Variants in SLC26A2 observed in about 807,000 individuals in gnomAD.
SLC26A2 encodes the protein sulfate transporter.
A neutral mutation model predicts 41.1 loss-of-function variants in SLC26A2; 36 were observed. The observed-to-expected ratio is 0.88, with a 90% CI of 0.67 to 1.16. The LOEUF is 1.16. Among genes scored for constraint, SLC26A2 ranks in the 50% most tolerant of loss-of-function variants. The pLI is 0.00. For synonymous variants in SLC26A2, 291 were observed against 311.6 expected, an observed-to-expected ratio of 0.93 and a Z score of 0.70; for missense variants, 796 against 869.6, an observed-to-expected ratio of 0.92 and a Z score of 1.07.
At position 149,969,751 on chromosome 5, in the gene SLC26A2, G is replaced by A. The variant is rs539572310; in HGVS notation, c.-25-7877G>A. ...CCTTATCTCCTACAACTTCACCCTTGGAACCTAGTGTGACCTTTTCCTGGG... is the reference window on the plus strand; with the variant it reads ...CCTTATCTCCTACAACTTCACCCTTAGAACCTAGTGTGACCTTTTCCTGGG... On this transcript the variant is annotated intron_variant, in intron 1 of 2. Coordinates refer to ENST00000286298, the MANE Select transcript of SLC26A2 (RefSeq NM_000112.4). 8.5e-5 allele frequency among the ~76,000 whole-genome samples: 13 copies of A among 152,260 alleles called. No homozygotes were observed. In the South Asian group the frequency reaches 2.3e-3, roughly 27 times the overall value.
Position 149,977,878 on chromosome 5 carries a change from A to T in SLC26A2, c.226A>T (p.Lys76Ter). The T allele has an allele frequency of 6.2e-7, 1 of 1,614,118 alleles. No homozygotes were observed. Among genetic ancestry groups the T allele is most frequent in the Non-Finnish European group, 8.5e-7 (1 of 1,180,006 alleles). ...GGAGTTTGTTATTAAAAAGCTGCAG[A>T]AGAATTGCCAGTGCAGTCCAGCCAA... ...FKEFVIKKLQ[K>*]NCQCSPAKAK... Residue 76 changes from lysine (K) to a stop codon, truncating the protein, a stop_gained, in exon 2 of 3, where the codon AAG becomes TAG. Coordinates refer to ENST00000286298, the MANE Select transcript of SLC26A2 (RefSeq NM_000112.4). LOFTEE classifies it high-confidence loss of function.
intron 1 of SLC26A2, among the ~76,000 whole-genome samples, chr5:149,963,395 C>T (rs1257647785): frequency 6.6e-6 from 1 of 152,060 alleles, no homozygotes; most frequent in African/African-American, 2.4e-5. Context: ...TCTCCTGCCT[C>T]AGCCTCCTGA....
chr5:149,977,568 A>G (rs1755013901), intron 1 of SLC26A2, 60 bp from the exon 2 acceptor site: 3 of 862,882 alleles, frequency 3.5e-6, no homozygotes, highest in Non-Finnish European at 5.9e-6. Context: ...TAGAATTGTT[A>G]GTATATGTGA....
Position 149,984,604 on chromosome 5 carries a change from T to C in SLC26A2, c.*2791T>C, listed in dbSNP as rs1197514690. The C allele has an allele frequency of 6.6e-6, 1 of 152,292 alleles. No individual in the cohort carries two copies. The highest frequency in any genetic ancestry group is 1.5e-5 in the Non-Finnish European group (1 of 68,092). 9.4% of individuals were successfully genotyped at this position (152,292 alleles called of 1,614,324 possible). A position where few individuals can be genotyped will look rare whatever the true frequency, so the allele number is the denominator to read the frequency against. On this transcript the variant is annotated 3_prime_UTR_variant, in exon 3 of 3. Transcript: ENST00000286298. ...TGAACCCGGGAGGCGGAGGTTGCAG[T>C]AAGCAGAGATTGTGCCACTGGACTC...
intron 1 of SLC26A2, among the ~76,000 whole-genome samples, chr5:149,972,661 C>T (rs948264500): frequency 6.6e-6 from 1 of 152,138 alleles, no homozygotes; most frequent in Non-Finnish European, 1.5e-5. Flanking sequence ...TCACTTTTAA[C>T]CTATGTATGT....
Position 149,984,317 on chromosome 5 carries a change from G to C in SLC26A2, c.*2504G>C, listed in dbSNP as rs1174532320. ...ATATTGTTAAAATGTTTTGGTTGCT[G>C]ATATTCAGAGGAATGAAACCTGGAA... is the stretch of plus-strand genomic sequence containing the variant. On this transcript the variant is annotated 3_prime_UTR_variant, in exon 3 of 3. Transcript: ENST00000286298. The C allele has an allele frequency of 1.3e-5, 2 of 152,178 alleles. No individual in the cohort carries two copies. Among genetic ancestry groups the C allele is most frequent in the Non-Finnish European group, 2.9e-5 (2 of 68,030 alleles). 9.4% of individuals were successfully genotyped at this position (152,178 alleles called of 1,614,324 possible). A position where few individuals can be genotyped will look rare whatever the true frequency, so the allele number is the denominator to read the frequency against.
chr5:149,974,960 G>A (rs1286523361), intron 1 of SLC26A2, among the ~76,000 whole-genome samples: 5 of 151,954 alleles, frequency 3.3e-5, no homozygotes, highest in Non-Finnish European at 7.4e-5. Context: ...CCTGGCCTCA[G>A]GTTACTTGGA....
At chr5:149,974,343 G>A in intron 1 of SLC26A2, among the ~76,000 whole-genome samples, 1 of 151,182 alleles carries the variant, frequency 6.6e-6, no homozygotes, top group East Asian at 1.9e-4. Flanking sequence ...TGTAGGTGAG[G>A]GTTTTTGTTT....
intron 1 of SLC26A2, among the ~76,000 whole-genome samples, chr5:149,967,283 A>C (rs978962443): frequency 5.3e-5 from 8 of 152,234 alleles, no homozygotes; most frequent in African/African-American, 1.9e-4. Context: ...TAAGCTGTAC[A>C]TATTTCAAAG....
At chr5:149,962,478 A>G (rs925335146) in intron 1 of SLC26A2, among the ~76,000 whole-genome samples, 1 of 151,918 alleles carries the variant, frequency 6.6e-6, no homozygotes, top group Admixed American at 6.6e-5. Context: ...AGCTGGAACC[A>G]CAGGTGCACG....
chr5:149,977,031 A>G (rs1755003870), intron 1 of SLC26A2, among the ~76,000 whole-genome samples: 1 of 152,242 alleles, frequency 6.6e-6, no homozygotes, highest in African/African-American at 2.4e-5. Context: ...GTACTGTTCA[A>G]AGACGCAAAT....
Position 149,984,000 on chromosome 5 carries a change from A to G in SLC26A2, c.*2187A>G, listed in dbSNP as rs1384033711. 2 of 152,272 alleles carry G rather than the reference A, an allele frequency of 1.3e-5. No individual in the cohort carries two copies. Among genetic ancestry groups the G allele is most frequent in the East Asian group, 1.9e-4 (1 of 5,206 alleles). The allele number at this position is 152,272 out of a possible 1,614,324, so 9.4% of individuals were successfully genotyped here. On this transcript the variant is annotated 3_prime_UTR_variant, in exon 3 of 3. Transcript: ENST00000286298. ...ATGCTTAAGATGTTATAATTAGCCAACACCAACACAGCAAAAAATATAATT... is the reference window on the plus strand; with the variant it reads ...ATGCTTAAGATGTTATAATTAGCCAGCACCAACACAGCAAAAAATATAATT...
At chr5:149,972,440 T>G (rs1318450599) in intron 1 of SLC26A2, among the ~76,000 whole-genome samples, 1 of 152,190 alleles carries the variant, frequency 6.6e-6, no homozygotes, top group Non-Finnish European at 1.5e-5. Context: ...TGGATCACTT[T>G]GTGTAGCAGC....
At position 149,978,347 on chromosome 5, in the gene SLC26A2, A is replaced by T. The variant is rs75097996; in HGVS notation, c.695A>T (p.Tyr232Phe). Residue 232 changes from tyrosine (Y) to phenylalanine (F), a missense_variant, in exon 2 of 3, where the codon TAT becomes TTT. Tyr to Phe is a conservative substitution (Grantham distance 22). Transcript: ENST00000286298. ...GSTVTFIAGV[Y>F]QVAMGFFQVG... ...ACTGTAACCTTTATAGCTGGAGTTT[A>T]TCAGGTAAGCAGCAATGAAACAATT... 6.0e-5 allele frequency: 96 copies of T among 1,610,220 alleles called. No homozygotes were observed. In the African/African-American group the frequency reaches 1.1e-3, roughly 18 times the overall value.
rs1561819533 is a variant in SLC26A2, at chr5:149,978,063, T to G, written c.411T>G (p.Pro137=). 6 of 1,613,164 alleles carry G rather than the reference T, an allele frequency of 3.7e-6. No homozygotes were observed. Among genetic ancestry groups the G allele is most frequent in the Non-Finnish European group, 5.1e-6 (6 of 1,179,434 alleles). ...ATTCCCTGCTGGCTGGCCAAGAACC[T>G]GTCTATGGTCTGTACACATCTTTTT... ...IAYSLLAGQE[P]VYGLYTSFFA... is the part of the protein sequence containing the mutation. Residue 137 remains proline, a synonymous_variant, in exon 2 of 3, where the codon CCT becomes CCG. Coordinates refer to ENST00000286298, the MANE Select transcript of SLC26A2 (RefSeq NM_000112.4).
At chr5:149,974,722 CT>C (rs11440508) in intron 1 of SLC26A2, among the ~76,000 whole-genome samples, 42 of 100,890 alleles carry the variant, frequency 4.2e-4, no homozygotes, top group Middle Eastern at 7.5e-3. Context: ...TGCACCCGGC[CT>C]TTTTTTTTTT....
intron 1 of SLC26A2, among the ~76,000 whole-genome samples, chr5:149,965,650 T>C (rs76017233): frequency 0.029 from 4,348 of 152,108 alleles, 199 homozygotes; most frequent in African/African-American, 0.099. Context: ...GAGAGGAGAC[T>C]TACTTTGGTT....
Position 149,980,701 on chromosome 5 carries a change from C to A in SLC26A2, c.1108C>A (p.Pro370Thr), listed in dbSNP as rs868052713. 6.2e-7 allele frequency: 1 copy of A among 1,613,712 alleles called. No homozygotes were observed. Among genetic ancestry groups the A allele is most frequent in the Non-Finnish European group, 8.5e-7 (1 of 1,179,792 alleles). Residue 370 changes from proline (P) to threonine (T), a missense_variant, in exon 3 of 3, where the codon CCA becomes ACA. Coordinates refer to ENST00000286298, the MANE Select transcript of SLC26A2 (RefSeq NM_000112.4). ...TGGACATATTCCCACTGGGTTTATG[C>A]CACCCAAAGTACCAGAATGGAACCT... ...IAGHIPTGFM[P>T]PKVPEWNLIP...
rs780011803 is a variant in SLC26A2 at position 149,978,114 on chromosome 5, G to C, written c.462G>C (p.Leu154Phe). The C allele has an allele frequency of 3.1e-6, 5 of 1,602,932 alleles. No homozygotes were observed. Among genetic ancestry groups the C allele is most frequent in the Non-Finnish European group, 4.3e-6 (5 of 1,173,800 alleles). ...TTGCCAGCATCATTTATTTTCTCTTGGGTACCTCCCGTCACATCTCTGTGG... is the reference window on the plus strand; with the variant it reads ...TTGCCAGCATCATTTATTTTCTCTTCGGTACCTCCCGTCACATCTCTGTGG... ...SFFASIIYFL[L>F]GTSRHISVGI... Residue 154 changes from leucine (L) to phenylalanine (F), a missense_variant, in exon 2 of 3, where the codon TTG (leucine) becomes TTC (phenylalanine). By Grantham distance (22) the Leu-to-Phe change is conservative. Coordinates refer to ENST00000286298, the MANE Select transcript of SLC26A2 (RefSeq NM_000112.4).
Sources: gnomAD v4.1 joint callset for allele counts (sites outside exome capture counted in the v4.1 genomes callset) on GRCh38, gnomAD v4.1.1 for gene constraint, MANE v1.5 for transcripts, NCBI Gene and HGNC (gene_info 2026-07-23, HGNC 2026-07-21) for gene names.